SCN2A: variants seen among roughly 807,000 people sequenced by gnomAD.
SCN2A encodes sodium voltage-gated channel alpha subunit 2.
In SCN2A, 20 loss-of-function variants were observed where a neutral mutation model predicts 188.7. The observed-to-expected ratio is 0.11, with a 90% CI of 0.07 to 0.15. The LOEUF is 0.15. SCN2A is among the 10% of genes least tolerant of loss of function. The pLI, the probability that SCN2A is intolerant of heterozygous loss-of-function variation, is 1.00. For synonymous variants in SCN2A, 804 were observed against 833.1 expected, an observed-to-expected ratio of 0.97 and a Z score of 0.60; for missense variants, 1,278 against 2,445.0, an observed-to-expected ratio of 0.52 and a Z score of 10.07.
intron 11 of SCN2A, among the ~76,000 whole-genome samples, chr2:165,316,274 T>A (rs974009387): frequency 6.6e-6 from 1 of 152,120 alleles, no homozygotes; most frequent in South Asian, 2.1e-4. Context: ...GATAGGCAGG[T>A]ACTGAGGGAG....
At chr2:165,322,139 T>G (rs1364444134) in intron 11 of SCN2A, among the ~76,000 whole-genome samples, 1 of 152,212 alleles carries the variant, frequency 6.6e-6, no homozygotes, top group Non-Finnish European at 1.5e-5. Flanking sequence ...TGGCAAGATG[T>G]CACTGCAGCT....
At chr2:165,286,202 T>A (rs964530591) in intron 1 of SCN2A, among the ~76,000 whole-genome samples, 11 of 152,220 alleles carry the variant, frequency 7.2e-5, no homozygotes, top group Admixed American at 2.6e-4. Flanking sequence ...AGAGTTTCAC[T>A]CCTTTTTTGG....
At chr2:165,319,080 G>A (rs1390659785) in intron 11 of SCN2A, among the ~76,000 whole-genome samples, 1 of 152,172 alleles carries the variant, frequency 6.6e-6, no homozygotes, top group Non-Finnish European at 1.5e-5. Flanking sequence ...GCTCATGCCT[G>A]TAATCCCAGC....
chr2:165,373,641 T>C (rs754146724), intron 21 of SCN2A, among the ~76,000 whole-genome samples: 7 of 152,166 alleles, frequency 4.6e-5, no homozygotes, highest in African/African-American at 1.2e-4. Flanking sequence ...GTTCACTTCA[T>C]TTATAAATGT....
chr2:165,275,155 C>A (rs1251598302), intron 1 of SCN2A, among the ~76,000 whole-genome samples: 1 of 152,200 alleles, frequency 6.6e-6, no homozygotes, highest in Non-Finnish European at 1.5e-5. Context: ...TTCCAACAGG[C>A]CTTTTCAAAT....
chr2:165,286,337 G>T (rs548646744), intron 1 of SCN2A, among the ~76,000 whole-genome samples: 68 of 152,196 alleles, frequency 4.5e-4, no homozygotes, highest in Non-Finnish European at 8.2e-4. Context: ...GATTGCTGGA[G>T]AAGGTGTTTG....
At chr2:165,349,939 C>T (rs2105328691) in intron 16 of SCN2A, among the ~76,000 whole-genome samples, 1 of 152,310 alleles carries the variant, frequency 6.6e-6, no homozygotes, top group East Asian at 1.9e-4. Flanking sequence ...CCTTTTAACA[C>T]ACATGAACTA....
At chr2:165,359,417 G>A (rs1402126846) in intron 17 of SCN2A, among the ~76,000 whole-genome samples, 1 of 151,992 alleles carries the variant, frequency 6.6e-6, no homozygotes, top group African/African-American at 2.4e-5. Flanking sequence ...AGATACTTGA[G>A]GCATATTATC....
At chr2:165,379,600 A>G (rs1558878669) in intron 23 of SCN2A, among the ~76,000 whole-genome samples, 1 of 151,672 alleles carries the variant, frequency 6.6e-6, no homozygotes, top group Admixed American at 6.6e-5. Flanking sequence ...CTGTATGTAT[A>G]TTGTCTTTTA....
At chr2:165,357,710 T>A (rs1481151866) in intron 17 of SCN2A, among the ~76,000 whole-genome samples, 1 of 152,202 alleles carries the variant, frequency 6.6e-6, no homozygotes, top group Admixed American at 6.5e-5. Context: ...TGACTATTTT[T>A]CGAAGTGAAA....
chr2:165,272,500 A>T (rs1018550315), intron 1 of SCN2A: 2 of 152,050 alleles, frequency 1.3e-5, no homozygotes, highest in Admixed American at 1.3e-4. Context: ...ATTATCAGGG[A>T]TCAAACCTGC....
intron 1 of SCN2A, among the ~76,000 whole-genome samples, chr2:165,278,476 C>T (rs1407459138): frequency 6.6e-6 from 1 of 152,134 alleles, no homozygotes; most frequent in Non-Finnish European, 1.5e-5. Context: ...TAAGAACTCA[C>T]TCATTATCAC....
chr2:165,390,618 G>A lies in SCN2A; in HGVS notation c.*794G>A, dbSNP rs2105405486. 1 of 152,374 alleles carries A rather than the reference G, an allele frequency of 6.6e-6. No individual in the cohort carries two copies. Among genetic ancestry groups the A allele is most frequent in the African/African-American group, 2.4e-5 (1 of 41,458 alleles). The allele number at this position is 152,374 out of a possible 1,614,324, so 9.4% of individuals were successfully genotyped here. ...AATGTACATGTATATATGTATATATGTATATGTGCGTGTATATACATATAT... is the reference window on the plus strand; with the variant it reads ...AATGTACATGTATATATGTATATATATATATGTGCGTGTATATACATATAT... On this transcript the variant is annotated 3_prime_UTR_variant, in exon 27 of 27. Transcript: ENST00000375437.
At chr2:165,299,092 A>C (rs1207326484) in intron 3 of SCN2A, among the ~76,000 whole-genome samples, 3 of 152,128 alleles carry the variant, frequency 2.0e-5, no homozygotes, top group East Asian at 3.8e-4. Context: ...TCTCATGAAA[A>C]CTATTGTCCC....
chr2:165,306,207 G>T (rs1466962502), intron 3 of SCN2A, among the ~76,000 whole-genome samples: 1 of 152,120 alleles, frequency 6.6e-6, no homozygotes, highest in Non-Finnish European at 1.5e-5. Context: ...AGAAAGAAGA[G>T]GGTTGGAAGC....
rs1050309639 is a variant in SCN2A at position 165,321,455 on chromosome 2, A to G, written c.1672-1701A>G. Among the ~76,000 whole-genome samples, 11 of 152,114 alleles carry G rather than the reference A, an allele frequency of 7.2e-5. No individual in the cohort carries two copies. The East Asian group carries it at 1.7e-3, about 24-fold the overall frequency. ...CAGCAGCGTCCCACTCCTGGTATCA[A>G]TTTACTGTATTAATCTGTTTTCATG... On this transcript the variant is annotated intron_variant, in intron 11 of 26. Coordinates refer to ENST00000375437, the MANE Select transcript of SCN2A (RefSeq NM_001040142.2).
intron 2 of SCN2A, chr2:165,296,393 G>C (rs1209771561): frequency 2.9e-6 from 1 of 347,380 alleles, no homozygotes; most frequent in Admixed American, 4.4e-5. Flanking sequence ...AGTGTAAATT[G>C]ACCCTGATTC....
chr2:165,386,722 A>G (rs758219748), intron 25 of SCN2A, 24 bp from the exon 26 acceptor site: 9 of 1,606,976 alleles, frequency 5.6e-6, no homozygotes, highest in Non-Finnish European at 7.7e-6. Flanking sequence ...TTCTAATGGA[A>G]CTTTTACATA....
At position 165,247,469 on chromosome 2, in the gene SCN2A, A is replaced by G. The variant is rs543683579; in HGVS notation, c.-52+7829A>G. On this transcript the variant is annotated intron_variant, in intron 1 of 26. Transcript: ENST00000375437. Reference sequence around the variant, plus strand: ...ACCCTATTGCCAAATTCATCAGTCCATCCTCAGCTTTCATCTTACTTGACC... The same window carrying G: ...ACCCTATTGCCAAATTCATCAGTCCGTCCTCAGCTTTCATCTTACTTGACC... Among the ~76,000 whole-genome samples, 6 of 152,186 alleles carry G rather than the reference A, an allele frequency of 3.9e-5. No individual in the cohort carries two copies. In the East Asian group the frequency reaches 7.7e-4, roughly 20 times the overall value.
Sources: gnomAD v4.1 joint callset for allele counts (sites outside exome capture counted in the v4.1 genomes callset) on GRCh38, gnomAD v4.1.1 for gene constraint, MANE v1.5 for transcripts, NCBI Gene and HGNC (gene_info 2026-07-23, HGNC 2026-07-21) for gene names.